FAM171B: variants seen among roughly 807,000 people sequenced by gnomAD.
The protein encoded by FAM171B is protein FAM171B.
A neutral mutation model predicts 75.6 loss-of-function variants in FAM171B; 19 were observed. The ratio of observed to expected loss-of-function variants is 0.25; its 90% confidence interval spans 0.18 to 0.37. The LOEUF is 0.37. FAM171B is among the 10% of genes least tolerant of loss of function. The probability of loss-of-function intolerance (pLI) is 1.00; values close to 1 mark genes in which losing one functional copy is unlikely to be tolerated. For synonymous variants in FAM171B, 367 were observed against 361.7 expected (o/e 1.01, Z -0.17); for missense variants, 848 against 982.4 (o/e 0.86, Z 1.83).
intron 1 of FAM171B, among the ~76,000 whole-genome samples, chr2:186,724,620 G>A (rs1356715063): frequency 1.3e-5 from 2 of 152,200 alleles, no homozygotes; most frequent in Non-Finnish European, 2.9e-5. Context: ...TGAAACACGG[G>A]AAAGTCAGAT....
rs1690646408 is a variant in FAM171B at position 186,763,035 on chromosome 2, C to T, written c.*212C>T. 2 of 553,122 alleles carry T rather than the reference C, an allele frequency of 3.6e-6. No individual in the cohort carries two copies. Among genetic ancestry groups the T allele is most frequent in the South Asian group, 5.8e-5 (2 of 34,762 alleles). 34.3% of individuals were successfully genotyped at this position (553,122 alleles called of 1,614,324 possible). On this transcript the variant is annotated 3_prime_UTR_variant, in exon 8 of 8. Coordinates refer to ENST00000304698, the MANE Select transcript of FAM171B (RefSeq NM_177454.4). ...CATTTATTTTTGGGTGATGAATTTA[C>T]AGTATCTAAGTTTTCAAAATGTAAA...
chr2:186,716,474 G>A (rs537547224), intron 1 of FAM171B, among the ~76,000 whole-genome samples: 1 of 152,170 alleles, frequency 6.6e-6, no homozygotes, highest in South Asian at 2.1e-4. Context: ...ATATCCTATT[G>A]CAGTTTTCTT....
At chr2:186,735,519 C>T (rs1249114793) in intron 1 of FAM171B, among the ~76,000 whole-genome samples, 1 of 152,192 alleles carries the variant, frequency 6.6e-6, no homozygotes, top group Non-Finnish European at 1.5e-5. Context: ...CTCACATCCT[C>T]CTAACCCGAT....
intron 1 of FAM171B, among the ~76,000 whole-genome samples, chr2:186,710,714 C>T (rs1001093655): frequency 6.6e-6 from 1 of 152,000 alleles, no homozygotes; most frequent in Non-Finnish European, 1.5e-5. Context: ...ATTTTATTGT[C>T]ATTTAAATTT....
chr2:186,706,627 G>A (rs1031907427), intron 1 of FAM171B, among the ~76,000 whole-genome samples: 4 of 152,166 alleles, frequency 2.6e-5, no homozygotes, highest in African/African-American at 7.2e-5. Context: ...ACAAGCTAGG[G>A]CATAGAAATA....
intron 2 of FAM171B, 107 bp from the exon 3 acceptor site, chr2:186,743,376 C>G (rs976150982): frequency 1.6e-6 from 1 of 625,838 alleles, no homozygotes; most frequent in Non-Finnish European, 2.8e-6. Context: ...AGCATTTGTT[C>G]CCCCCCACAA....
intron 2 of FAM171B, among the ~76,000 whole-genome samples, 171 bp from the exon 3 acceptor site, chr2:186,743,312 C>T (rs1392041368): frequency 6.6e-6 from 1 of 151,684 alleles, no homozygotes; most frequent in Non-Finnish European, 1.5e-5. Context: ...ACCTTTTTTC[C>T]TCCATCATAT....
intron 1 of FAM171B, among the ~76,000 whole-genome samples, chr2:186,732,257 CA>C (rs1388480206): frequency 1.3e-5 from 2 of 151,952 alleles, no homozygotes; most frequent in African/African-American, 2.4e-5. Context: ...TGTATATGGC[CA>C]GGGGGTGCTT....
intron 4 of FAM171B, among the ~76,000 whole-genome samples, chr2:186,750,162 C>T (rs1166636313): frequency 6.6e-6 from 1 of 152,058 alleles, no homozygotes; most frequent in Non-Finnish European, 1.5e-5. Context: ...TATACTTTCT[C>T]CCATCTATTT....
intron 5 of FAM171B, 86 bp downstream of exon 5, chr2:186,751,390 G>C: frequency 8.1e-7 from 1 of 1,235,422 alleles, no homozygotes; most frequent in Non-Finnish European, 1.1e-6. Flanking sequence ...ACTTGATACA[G>C]CTCTAGTTTT....
intron 2 of FAM171B, among the ~76,000 whole-genome samples, chr2:186,743,097 TG>T (rs1385457716): frequency 1.3e-5 from 2 of 152,110 alleles, no homozygotes; most frequent in Non-Finnish European, 2.9e-5. Context: ...GCTTGAATCA[TG>T]GAGCCAAGAA....
At chr2:186,748,162 A>G (rs572429212) in intron 4 of FAM171B, among the ~76,000 whole-genome samples, 30 of 148,852 alleles carry the variant, frequency 2.0e-4, no homozygotes, top group Admixed American at 4.7e-4. Context: ...GTGCTCAACA[A>G]TCCGCCCACC....
chr2:186,762,997 T>C lies in FAM171B; in HGVS notation c.*174T>C. The C allele has an allele frequency of 1.4e-6, 1 of 732,740 alleles. No individual in the cohort carries two copies. The highest frequency in any genetic ancestry group is 2.1e-6 in the Non-Finnish European group (1 of 470,258). The allele number at this position is 732,740 out of a possible 1,614,324, so 45.4% of individuals were successfully genotyped here. A position where few individuals can be genotyped will look rare whatever the true frequency, so the allele number is the denominator to read the frequency against. On this transcript the variant is annotated 3_prime_UTR_variant, in exon 8 of 8. Transcript: ENST00000304698. This position sits in a 1 kb window ranked among gnomAD's most constrained non-coding sequence, Gnocchi z 4.0. ...GAGAGAAAGATACCAAGGAATGCTT[T>C]TTCTGGCCTATTCATTTATTTTTGG...
chr2:186,702,938 C>T (rs1055776409), intron 1 of FAM171B, among the ~76,000 whole-genome samples: 1 of 151,990 alleles, frequency 6.6e-6, no homozygotes, highest in Non-Finnish European at 1.5e-5. Context: ...TCTATATCAT[C>T]ATAATTTAGG....
chr2:186,707,359 C>T (rs1313656250), intron 1 of FAM171B, among the ~76,000 whole-genome samples: 4 of 152,136 alleles, frequency 2.6e-5, no homozygotes, highest in Non-Finnish European at 5.9e-5. Context: ...TATTCCTCAT[C>T]TGTTAATTTT....
intron 1 of FAM171B, among the ~76,000 whole-genome samples, chr2:186,732,941 T>C (rs1054693054): frequency 3.3e-5 from 5 of 152,230 alleles, no homozygotes; most frequent in African/African-American, 7.2e-5. Context: ...TTCTATCTAT[T>C]GAGAGACAGC....
chr2:186,714,436 C>G (rs1689849567), intron 1 of FAM171B, among the ~76,000 whole-genome samples: 1 of 152,072 alleles, frequency 6.6e-6, no homozygotes, highest in African/African-American at 2.4e-5. Flanking sequence ...AGAAAAGTGT[C>G]TGGAAATTAT....
chr2:186,703,997 T>G (rs1423985901), intron 1 of FAM171B, among the ~76,000 whole-genome samples: 1 of 152,200 alleles, frequency 6.6e-6, no homozygotes, highest in East Asian at 1.9e-4. Context: ...CAAGGGATTA[T>G]GGTTAATTCG....
At chr2:186,757,644 C>G (rs1213069270) in intron 6 of FAM171B, among the ~76,000 whole-genome samples, 1 of 152,078 alleles carries the variant, frequency 6.6e-6, no homozygotes, top group Non-Finnish European at 1.5e-5. Context: ...TGGTTGAGTA[C>G]AGAGTTTAAT....
Sources: gnomAD v4.1 joint callset for allele counts (sites outside exome capture counted in the v4.1 genomes callset) on GRCh38, gnomAD v4.1.1 for gene constraint, Gnocchi (gnomAD v3.1) non-coding constraint, MANE v1.5 for transcripts, NCBI Gene and HGNC (gene_info 2026-07-23, HGNC 2026-07-21) for gene names.